Variants in PBK observed in about 807,000 individuals in gnomAD.
The protein encoded by PBK is PDZ binding kinase.
PBK carries 22 observed loss-of-function variants against 33.5 expected under a neutral mutation model. The observed-to-expected ratio is 0.66, with a 90% CI of 0.47 to 0.94. The LOEUF (loss-of-function observed/expected upper bound fraction) is 0.94. Among genes scored for constraint, PBK ranks in the 40% least tolerant of loss-of-function variants. PBK has a pLI of 0.00. For synonymous variants in PBK, 129 were observed against 123.8 expected (o/e 1.04, Z -0.28); for missense variants, 376 against 383.4 (o/e 0.98, Z 0.16).
chr8:27,810,228 AACT>A lies in PBK; in HGVS notation c.*74_*76del, dbSNP rs1805644531. On this transcript the variant is annotated 3_prime_UTR_variant, in exon 8 of 8. Transcript: ENST00000301905. ...AAATATGCCAATTTTAGAGTCTAAT[AACT>A]ACTGATAGTAACTATGTAAATATTT... 2.1e-6 allele frequency: 2 copies of A among 974,054 alleles called. No homozygotes were observed. Among genetic ancestry groups the A allele is most frequent in the Non-Finnish European group, 3.2e-6 (2 of 620,838 alleles). The allele number at this position is 974,054 out of a possible 1,614,324, so 60.3% of individuals were successfully genotyped here. A position where few individuals can be genotyped will look rare whatever the true frequency, so the allele number is the denominator to read the frequency against.
chr8:27,829,487 T>C (rs1806086710), intron 2 of PBK, among the ~76,000 whole-genome samples: 1 of 152,152 alleles, frequency 6.6e-6, no homozygotes, highest in Non-Finnish European at 1.5e-5. Context: ...CAAAATCCAG[T>C]ACTAGACAAT....
chr8:27,820,602 A>G lies in PBK; in HGVS notation c.558T>C (p.Asp186=), dbSNP rs1429151947. Residue 186 remains aspartate, a synonymous_variant, in exon 6 of 8, where the codon GAT becomes GAC. Transcript: ENST00000301905. ...CATCCAGTGGTAGAGAGACTCCTAC[A>G]TCACAGATTTTAATTGTTTCAAAAT... The part of the protein sequence containing the change: ...KGDFETIKIC[D]VGVSLPLDEN... The G allele has an allele frequency of 6.3e-7, 1 of 1,578,154 alleles. No individual in the cohort carries two copies. The highest frequency in any genetic ancestry group is 1.7e-5 in the Admixed American group (1 of 59,378).
At chr8:27,835,601 G>GA (rs1806213193) in intron 1 of PBK, among the ~76,000 whole-genome samples, 1 of 151,692 alleles carries the variant, frequency 6.6e-6, no homozygotes, top group African/African-American at 2.4e-5. Flanking sequence ...GCCCAGGCTG[G>GA]GGTGCAATGG....
intron 3 of PBK, among the ~76,000 whole-genome samples, chr8:27,825,558 T>C (rs1806009858): frequency 6.6e-6 from 1 of 152,058 alleles, no homozygotes; most frequent in Non-Finnish European, 1.5e-5. Flanking sequence ...TTGGAAGGTA[T>C]AAAACAAGTC....
intron 7 of PBK, 24 bp from the exon 8 acceptor site, chr8:27,810,525 C>T (rs2128960664): frequency 1.0e-5 from 15 of 1,437,870 alleles, no homozygotes; most frequent in Non-Finnish European, 1.5e-5. Flanking sequence ...GAGATTGAAA[C>T]AATAAACAAA....
Position 27,822,370 on chromosome 8 carries a change from A to T in PBK, c.414T>A (p.Phe138Leu). ...EERYKASQDP[F>L]PAAIILKVAL... ...CAACTTTTAAAATTATGGCTGCTGGAAAAGGATCTTGGCTGGCTTTATATC... is the reference window on the plus strand; with the variant it reads ...CAACTTTTAAAATTATGGCTGCTGGTAAAGGATCTTGGCTGGCTTTATATC... Residue 138 changes from phenylalanine to leucine, a missense_variant, in exon 5 of 8, where the codon TTT becomes TTA. Transcript: ENST00000301905. 1 of 1,612,826 alleles carries T rather than the reference A, an allele frequency of 6.2e-7. No individual in the cohort carries two copies. The highest frequency in any genetic ancestry group is 2.2e-5 in the East Asian group (1 of 44,812).
At chr8:27,813,051 A>G (rs552157613) in intron 6 of PBK, among the ~76,000 whole-genome samples, 16 of 152,360 alleles carry the variant, frequency 1.1e-4, no homozygotes, top group African/African-American at 3.8e-4. Context: ...TATTCACAAT[A>G]GCAAAGACTT....
intron 3 of PBK, among the ~76,000 whole-genome samples, chr8:27,824,336 G>A (rs370064983): frequency 6.6e-6 from 1 of 151,758 alleles, no homozygotes; most frequent in Non-Finnish European, 1.5e-5. Context: ...CTAATCTATC[G>A]AATAAGAATA....
intron 6 of PBK, among the ~76,000 whole-genome samples, chr8:27,817,311 C>T (rs1372395564): frequency 6.6e-6 from 1 of 152,088 alleles, no homozygotes; most frequent in Non-Finnish European, 1.5e-5. Context: ...ATTTTATCAT[C>T]ATAGAAAGTT....
Position 27,833,124 on chromosome 8 carries a change from A to C in PBK, c.-11T>G. 1 of 1,565,998 alleles carries C rather than the reference A, an allele frequency of 6.4e-7. No individual in the cohort carries two copies. Among genetic ancestry groups the C allele is most frequent in the Non-Finnish European group, 8.7e-7 (1 of 1,150,604 alleles). ...ACTGATCCCTTCCATTGTGAAAGCC[A>C]CTCTCAGTCCTACGATGAAAACAAA... On this transcript the variant is annotated 5_prime_UTR_variant, in exon 2 of 8. Coordinates refer to ENST00000301905, the MANE Select transcript of PBK (RefSeq NM_018492.4).
At chr8:27,824,130 A>G (rs1359347427) in intron 3 of PBK, among the ~76,000 whole-genome samples, 1 of 152,164 alleles carries the variant, frequency 6.6e-6, no homozygotes, top group African/African-American at 2.4e-5. Flanking sequence ...ATGTACATCT[A>G]TCATCCGTAA....
chr8:27,817,117 A>G (rs958540883), intron 6 of PBK, among the ~76,000 whole-genome samples: 5 of 152,162 alleles, frequency 3.3e-5, no homozygotes, highest in Non-Finnish European at 2.9e-5. Flanking sequence ...ATTGCTAACT[A>G]CAAAAGCTGT....
intron 3 of PBK, among the ~76,000 whole-genome samples, chr8:27,827,871 A>G (rs1210166072): frequency 6.6e-6 from 1 of 152,168 alleles, no homozygotes; most frequent in Non-Finnish European, 1.5e-5. Flanking sequence ...GGAAAAATTA[A>G]AAAGTAAATG....
intron 3 of PBK, among the ~76,000 whole-genome samples, chr8:27,824,674 T>C (rs1805993211): frequency 6.6e-6 from 1 of 152,128 alleles, no homozygotes; most frequent in Admixed American, 6.5e-5. Flanking sequence ...TTTCAAAGAA[T>C]TTACCATTCA....
chr8:27,828,577 A>G (rs1318246014), intron 2 of PBK, among the ~76,000 whole-genome samples: 3 of 151,856 alleles, frequency 2.0e-5, no homozygotes, highest in African/African-American at 7.3e-5. Flanking sequence ...CTTGGGCAAC[A>G]TAAAGAGACT....
At chr8:27,823,389 T>C (rs1459642683) in intron 3 of PBK, among the ~76,000 whole-genome samples, 184 bp from the exon 4 acceptor site, 1 of 152,048 alleles carries the variant, frequency 6.6e-6, no homozygotes, top group African/African-American at 2.4e-5. Flanking sequence ...AGATCTAATA[T>C]ACTAAAACAA....
intron 2 of PBK, among the ~76,000 whole-genome samples, chr8:27,832,323 C>A (rs1180396389): frequency 1.3e-5 from 2 of 151,996 alleles, no homozygotes; most frequent in Non-Finnish European, 2.9e-5. Context: ...TTGTGAAAAA[C>A]CTACATCTAA....
chr8:27,810,401 C>A lies in PBK; in HGVS notation c.873G>T (p.Gln291His). 6.2e-7 allele frequency: 1 copy of A among 1,607,960 alleles called. No individual in the cohort carries two copies. The highest frequency in any genetic ancestry group is 8.5e-7 in the Non-Finnish European group (1 of 1,174,464). The change falls in exon 8 of 8, where the codon CAG becomes CAT. Residue 291 changes from glutamine to histidine, a missense_variant. Gln to His is a conservative substitution (Grantham distance 24, BLOSUM62 0). Coordinates refer to ENST00000301905, the MANE Select transcript of PBK (RefSeq NM_018492.4). Reference protein sequence around the residue: ...INMEELDESYQKVIELFSVCT... With the variant: ...INMEELDESYHKVIELFSVCT... ...ATACAGAGAAGAGTTCAATTACTTT[C>A]TGGTATGATTCATCCAGTTCTTCCA...
chr8:27,837,240 G>A (rs898819999), intron 1 of PBK, among the ~76,000 whole-genome samples: 1 of 152,152 alleles, frequency 6.6e-6, no homozygotes, highest in South Asian at 2.1e-4. Flanking sequence ...AGATTTACCG[G>A]GTCAAACGTC....
Sources: allele counts gnomAD v4.1 joint callset (sites outside exome capture counted in the v4.1 genomes callset), GRCh38; gene constraint gnomAD v4.1.1; transcripts MANE v1.5; gene names NCBI Gene and HGNC (gene_info 2026-07-23, HGNC 2026-07-21).